The following CNTNAP2 variants were observed in gnomAD, a reference collection of about 807,000 sequenced individuals.
CNTNAP2 encodes the protein contactin associated protein 2.
CNTNAP2 carries 98 observed loss-of-function variants against 155.2 expected under a neutral mutation model. The ratio of observed to expected loss-of-function variants is 0.63; its 90% CI spans 0.54 to 0.75. CNTNAP2 has a LOEUF of 0.75. Ranked by LOEUF, CNTNAP2 falls within the 30% of genes least tolerant of loss-of-function variation. The pLI, the probability that CNTNAP2 is intolerant of heterozygous loss-of-function variation, is 0.00. For missense variants in CNTNAP2, 1,727 were observed against 1,688.1 expected (o/e 1.02, Z -0.40); for synonymous variants, 651 against 631.2 (o/e 1.03, Z -0.47).
At chr7:147,755,206 A>G (rs1584939349) in intron 13 of CNTNAP2, among the ~76,000 whole-genome samples, 1 of 152,232 alleles carries the variant, frequency 6.6e-6, no homozygotes, top group African/African-American at 2.4e-5. Flanking sequence ...AGACTTTAGC[A>G]TAGTGACTTG....
At chr7:147,206,990 A>G (rs1803036292) in intron 8 of CNTNAP2, among the ~76,000 whole-genome samples, 1 of 152,182 alleles carries the variant, frequency 6.6e-6, no homozygotes, top group Non-Finnish European at 1.5e-5. Flanking sequence ...GGGAAGTTAC[A>G]GAAAACTGTT....
At chr7:146,391,060 T>C (rs1795536200) in intron 1 of CNTNAP2, among the ~76,000 whole-genome samples, 1 of 148,086 alleles carries the variant, frequency 6.8e-6, no homozygotes, top group South Asian at 2.1e-4. Flanking sequence ...AGTGAGACTC[T>C]GTCTAAAAAA....
chr7:147,748,374 G>C (rs76895754), intron 13 of CNTNAP2, among the ~76,000 whole-genome samples: 1 of 152,076 alleles, frequency 6.6e-6, no homozygotes, highest in Non-Finnish European at 1.5e-5. Context: ...TGAATGAAAA[G>C]TGTGCTGCAT....
At chr7:146,202,362 A>G (rs551066735) in intron 1 of CNTNAP2, among the ~76,000 whole-genome samples, 5 of 152,170 alleles carry the variant, frequency 3.3e-5, no homozygotes, top group Non-Finnish European at 7.3e-5. Flanking sequence ...TAAGGATAAA[A>G]CTAGATCAGT....
chr7:146,192,960 G>GGCTA (rs1416114465), intron 1 of CNTNAP2, among the ~76,000 whole-genome samples: 1 of 152,154 alleles, frequency 6.6e-6, no homozygotes, highest in Non-Finnish European at 1.5e-5. Flanking sequence ...AAAAGGAAGG[G>GGCTA]GCTACATGCC....
intron 21 of CNTNAP2, among the ~76,000 whole-genome samples, chr7:148,355,166 C>CTTTTTGTTTTT (rs1798490195): frequency 2.4e-5 from 1 of 41,022 alleles, no homozygotes; most frequent in African/African-American, 1.0e-4. Context: ...CCGCCAGCTG[C>CTTTTTGTTTTT]TTTTTTTTTT....
At chr7:147,541,971 C>G (rs1321377018) in intron 11 of CNTNAP2, among the ~76,000 whole-genome samples, 1 of 152,168 alleles carries the variant, frequency 6.6e-6, no homozygotes, top group Non-Finnish European at 1.5e-5. Flanking sequence ...AGTGGCACAT[C>G]ATCTCCTTAT....
At chr7:146,246,236 T>TCG (rs1554406877) in intron 1 of CNTNAP2, among the ~76,000 whole-genome samples, 4 of 149,278 alleles carry the variant, frequency 2.7e-5, no homozygotes, top group African/African-American at 5.0e-5. Context: ...TGGGTTAAGG[T>TCG]GGGGTAATAC....
intron 13 of CNTNAP2, among the ~76,000 whole-genome samples, chr7:147,689,417 G>A (rs1796058369): frequency 6.6e-6 from 1 of 152,078 alleles, no homozygotes; most frequent in African/African-American, 2.4e-5. Context: ...CCAAAGTGCT[G>A]GGATTACAGG....
intron 10 of CNTNAP2, among the ~76,000 whole-genome samples, chr7:147,399,651 G>T (rs988386569): frequency 3.1e-4 from 47 of 152,212 alleles, no homozygotes; most frequent in African/African-American, 1.0e-3. Flanking sequence ...GACATGAATT[G>T]AAATGTCTAC....
intron 12 of CNTNAP2, among the ~76,000 whole-genome samples, chr7:147,602,431 G>A (rs1488469765): frequency 6.7e-6 from 1 of 149,484 alleles, no homozygotes; most frequent in Non-Finnish European, 1.5e-5. Flanking sequence ...CCACATCAAT[G>A]GGCAATTAAT....
intron 1 of CNTNAP2, among the ~76,000 whole-genome samples, chr7:146,660,119 A>G (rs1800061580): frequency 6.6e-6 from 1 of 152,224 alleles, no homozygotes; most frequent in African/African-American, 2.4e-5. Context: ...CAAGAGAAAT[A>G]AAGACTTGAA....
intron 1 of CNTNAP2, among the ~76,000 whole-genome samples, chr7:146,664,946 TTTTTG>T (rs933348716): frequency 2.1e-4 from 32 of 152,158 alleles, no homozygotes; most frequent in African/African-American, 6.5e-4. Context: ...CTTGTTATCC[TTTTTG>T]TTTTGTTTTG....
intron 12 of CNTNAP2, among the ~76,000 whole-genome samples, chr7:147,624,407 C>A (rs1038353210): frequency 1.3e-5 from 2 of 151,924 alleles, no homozygotes; most frequent in Non-Finnish European, 2.9e-5. Context: ...CAAAATAACT[C>A]TATAGGAAAA....
intron 21 of CNTNAP2, among the ~76,000 whole-genome samples, chr7:148,351,674 C>T (rs1229619866): frequency 2.9e-5 from 4 of 138,304 alleles, no homozygotes; most frequent in African/African-American, 8.0e-5. Context: ...ACCCAGGAGC[C>T]GGAGGTTGCA....
At chr7:147,037,921 C>T (rs533287933) in intron 3 of CNTNAP2, among the ~76,000 whole-genome samples, 77 of 152,220 alleles carry the variant, frequency 5.1e-4, no homozygotes, top group Admixed American at 8.5e-4. Flanking sequence ...CAATGGTTCA[C>T]GCCTATGGTA....
At chr7:146,193,274 G>A (rs1382351871) in intron 1 of CNTNAP2, among the ~76,000 whole-genome samples, 1 of 152,164 alleles carries the variant, frequency 6.6e-6, no homozygotes, top group Non-Finnish European at 1.5e-5. Flanking sequence ...GTGCCCCTGG[G>A]GACTCTGTGT....
At chr7:146,256,457 A>G (rs960994509) in intron 1 of CNTNAP2, among the ~76,000 whole-genome samples, 1 of 152,100 alleles carries the variant, frequency 6.6e-6, no homozygotes, top group Non-Finnish European at 1.5e-5. Context: ...TTATTGATAC[A>G]TGTAACAAAA....
intron 18 of CNTNAP2, among the ~76,000 whole-genome samples, chr7:148,196,879 C>G (rs902963331): frequency 2.0e-5 from 3 of 152,132 alleles, no homozygotes; most frequent in Admixed American, 2.0e-4. Flanking sequence ...CCAGGAAAGT[C>G]TAACTGCTTG....
Sources: allele counts gnomAD v4.1 joint callset (sites outside exome capture counted in the v4.1 genomes callset), GRCh38; gene constraint gnomAD v4.1.1; transcripts MANE v1.5; gene names NCBI Gene and HGNC (gene_info 2026-07-23, HGNC 2026-07-21).